Variants in FBN3 observed in about 807,000 individuals in gnomAD.
The protein encoded by FBN3 is fibrillin-3.
In FBN3, 234 loss-of-function variants were observed where a neutral mutation model predicts 330.1. That is an observed-to-expected ratio of 0.71 (90% confidence interval 0.64 to 0.79). The LOEUF is 0.79. Ranked by LOEUF, FBN3 falls within the 30% of genes least tolerant of loss-of-function variation. The pLI is 0.00. For missense variants in FBN3, 3,606 were observed against 3,886.9 expected (o/e 0.93, Z 1.92); for synonymous variants, 1,458 against 1,517.3 (o/e 0.96, Z 0.91).
chr19:8,087,809 T>C lies in FBN3; in HGVS notation c.6619+16A>G, dbSNP rs1167157856. Reference sequence around the variant, plus strand: ...TTTTAGTAGAGACAGGGTTTTACCATATTAGTCAGGCCTACCTCGACACAT... The same window carrying C: ...TTTTAGTAGAGACAGGGTTTTACCACATTAGTCAGGCCTACCTCGACACAT... On this transcript the variant is annotated intron_variant, in intron 53 of 63. Coordinates refer to ENST00000600128, the MANE Select transcript of FBN3 (RefSeq NM_032447.5). 3.7e-6 allele frequency: 6 copies of C among 1,608,504 alleles called. No individual in the cohort carries two copies. The Admixed American group carries it at 1.0e-4, about 27-fold the overall frequency.
At chr19:8,146,321 C>T (rs931031223) in intron 3 of FBN3, 96 bp from the exon 4 acceptor site, 19 of 970,438 alleles carry the variant, frequency 2.0e-5, no homozygotes, top group African/African-American at 6.5e-5. Context: ...CCTCAGTGGA[C>T]GCTGCTGGTC....
chr19:8,095,838 G>T (rs1568386622), intron 45 of FBN3, 126 bp downstream of exon 45: 7 of 641,710 alleles, frequency 1.1e-5, no homozygotes, highest in Non-Finnish European at 2.0e-5. Context: ...TTATTTAGGA[G>T]TATGTTATTT....
At chr19:8,135,935 T>TTGGGGGGGGGGGGGGGGGGGGGC in intron 13 of FBN3, 26 bp downstream of exon 13, 103 of 1,344,150 alleles carry the variant, frequency 7.7e-5, no homozygotes, top group Non-Finnish European at 9.4e-5. Flanking sequence ...CGGAAGCCCC[T>TTGGGGGGGGGGGGGGGGGGGGGC]GCCCACCCGC....
chr19:8,135,935 T>TGGGGGGGGGGGGGGGGGGGGGGGGGGGG, intron 13 of FBN3, 26 bp downstream of exon 13: 3 of 1,344,156 alleles, frequency 2.2e-6, no homozygotes, highest in Admixed American at 2.3e-5. Context: ...CGGAAGCCCC[T>TGGGGGGGGGGGGGGGGGGGGGGGGGGGG]GCCCACCCGC....
At chr19:8,135,936 G>GGGGGGGGGGGGGGGGGGCGCCCCCCC in intron 13 of FBN3, 25 bp downstream of exon 13, 1 of 668,778 alleles carries the variant, frequency 1.5e-6, no homozygotes, top group Non-Finnish European at 2.4e-6. Context: ...GGAAGCCCCT[G>GGGGGGGGGGGGGGGGGGCGCCCCCCC]CCCACCCGCC....
At chr19:8,141,865 G>A (rs747120683) in intron 7 of FBN3, 23 bp from the exon 8 acceptor site, 8 of 1,612,876 alleles carry the variant, frequency 5.0e-6, no homozygotes, top group African/African-American at 1.3e-5. Flanking sequence ...AGCCCGGCAG[G>A]GGAGTGAGAG....
intron 63 of FBN3, among the ~76,000 whole-genome samples, chr19:8,069,535 T>A (rs997828552): frequency 2.0e-5 from 3 of 152,156 alleles, no homozygotes; most frequent in East Asian, 1.9e-4. Flanking sequence ...TTGTTAAGAC[T>A]TATGCTCTTA....
chr19:8,105,935 G>A (rs1429755817), intron 38 of FBN3, among the ~76,000 whole-genome samples, 173 bp downstream of exon 38: 1 of 152,196 alleles, frequency 6.6e-6, no homozygotes, highest in Admixed American at 6.5e-5. Flanking sequence ...CAGCAGCCAT[G>A]AACATCTTAA....
intron 13 of FBN3, among the ~76,000 whole-genome samples, chr19:8,134,989 TA>T (rs1174687316): frequency 4.8e-5 from 7 of 146,414 alleles, no homozygotes; most frequent in African/African-American, 7.7e-5. Flanking sequence ...TATATATATA[TA>T]TTTTTTGAAA....
intron 63 of FBN3, among the ~76,000 whole-genome samples, chr19:8,070,748 T>G (rs1599254256): frequency 6.6e-6 from 1 of 151,980 alleles, no homozygotes; most frequent in Admixed American, 6.6e-5. Flanking sequence ...CTAGGCTGGG[T>G]GCAGTGCTTC....
intron 24 of FBN3, 136 bp downstream of exon 24, chr19:8,123,328 T>C (rs534934683): frequency 7.3e-6 from 7 of 955,008 alleles, no homozygotes; most frequent in Middle Eastern, 2.4e-4. Context: ...CACTCCAGCC[T>C]GGATAACAAG....
chr19:8,086,052 GGGGAACAGGCAGTGGA>G (rs1401523608), intron 55 of FBN3, 132 bp downstream of exon 55: 40 of 414,688 alleles, frequency 9.6e-5, no homozygotes, highest in African/African-American at 3.0e-4. Context: ...CAGGCAGTGG[GGGGAACAGGCAGTGGA>G]GGGAACAGGC....
At chr19:8,115,866 AAC>A (rs1384188548) in intron 29 of FBN3, among the ~76,000 whole-genome samples, 5 of 151,698 alleles carry the variant, frequency 3.3e-5, no homozygotes, top group Non-Finnish European at 7.4e-5. Flanking sequence ...CATTCCAAGG[AAC>A]ACACCAGGAA....
chr19:8,115,011 A>G (rs2082675031), intron 30 of FBN3, among the ~76,000 whole-genome samples: 1 of 151,882 alleles, frequency 6.6e-6, no homozygotes, highest in South Asian at 2.1e-4. Flanking sequence ...TGGGATTACT[A>G]TGCCTGGCTA....
chr19:8,065,574 C>G lies in FBN3; in HGVS notation c.*345G>C, dbSNP rs556907278. ...CCCATTGCCATGTCCTGCCAACCCC[C>G]TGCCCCCCGCCAGGGCAAGCCACAG... On this transcript the variant is annotated 3_prime_UTR_variant, in exon 64 of 64. Transcript: ENST00000600128. 9.6e-5 allele frequency: 26 copies of G among 269,744 alleles called. No individual in the cohort carries two copies. The South Asian group carries it at 3.1e-3, about 32-fold the overall frequency. 16.7% of individuals were successfully genotyped at this position (269,744 alleles called of 1,614,324 possible).
intron 63 of FBN3, among the ~76,000 whole-genome samples, chr19:8,069,901 T>C (rs999995443): frequency 6.6e-6 from 1 of 152,148 alleles, no homozygotes; most frequent in Non-Finnish European, 1.5e-5. Context: ...GCCAGGAGTT[T>C]GAGACCAGCC....
chr19:8,108,369 C>T (rs1054316915), intron 36 of FBN3, 131 bp from the exon 37 acceptor site: 2 of 665,016 alleles, frequency 3.0e-6, no homozygotes, highest in African/African-American at 1.8e-5. Flanking sequence ...CTAACGACAT[C>T]CCCATATCTC....
At chr19:8,120,165 CTTTT>C (rs34799960) in intron 25 of FBN3, among the ~76,000 whole-genome samples, 2 of 127,922 alleles carry the variant, frequency 1.6e-5, no homozygotes, top group Admixed American at 8.3e-5. Flanking sequence ...TTCTTTCTTT[CTTTT>C]TTTTTTTTTT....
At chr19:8,135,936 G>GGGGGCCCC in intron 13 of FBN3, 25 bp downstream of exon 13, 1 of 668,778 alleles carries the variant, frequency 1.5e-6, no homozygotes, top group Non-Finnish European at 2.4e-6. Context: ...GGAAGCCCCT[G>GGGGGCCCC]CCCACCCGCC....
Sources: gnomAD v4.1 joint callset for allele counts (sites outside exome capture counted in the v4.1 genomes callset) on GRCh38, gnomAD v4.1.1 for gene constraint, MANE v1.5 for transcripts, NCBI Gene and HGNC (gene_info 2026-07-23, HGNC 2026-07-21) for gene names.